The following GSDMA variants were observed in gnomAD, a reference collection of about 807,000 sequenced individuals.
The protein encoded by GSDMA is gasdermin-A.
Under a neutral mutation model 54.3 loss-of-function variants are expected in GSDMA, and 55 were observed. That is an observed-to-expected ratio of 1.01 (90% CI 0.82 to 1.27). GSDMA has a LOEUF of 1.27. Among genes scored for constraint, GSDMA ranks in the 50% most tolerant of loss-of-function variants. The pLI, the probability that GSDMA is intolerant of heterozygous loss-of-function variation, is 0.00. For synonymous variants in GSDMA, 211 were observed against 224.7 expected (o/e 0.94, Z 0.54); for missense variants, 542 against 542.6 (o/e 1.00, Z 0.01).
chr17:39,966,828 A>G (rs78658672), intron 3 of GSDMA, among the ~76,000 whole-genome samples: 4,596 of 152,236 alleles, frequency 0.03, 266 homozygotes, highest in African/African-American at 0.11. Flanking sequence ...CACTAGAAAA[A>G]GGAGGGATGT....
At position 39,972,163 on chromosome 17, in the gene GSDMA, C is replaced by A. The variant is rs188680661; in HGVS notation, c.690C>A (p.Thr230=). The A allele has an allele frequency of 7.2e-6, 10 of 1,380,752 alleles. No individual in the cohort carries two copies. The highest frequency in any genetic ancestry group is 2.1e-4 in the Middle Eastern group (1 of 4,746). 85.5% of individuals were successfully genotyped at this position (1,380,752 alleles called of 1,614,324 possible). A position where few individuals can be genotyped will look rare whatever the true frequency, so the allele number is the denominator to read the frequency against. The change falls in exon 6 of 12, where the codon ACC becomes ACA. Residue 230 remains threonine (T), a synonymous_variant. Coordinates refer to ENST00000301659, the MANE Select transcript of GSDMA (RefSeq NM_178171.5). ...IPHICNDNMQ[T]FPPGEKSGEE... ...ATATCTGCAATGATAACATGCAAACCTTCCCTCCTGGAGGTAAGTGAAATT... is the reference window on the plus strand; with the variant it reads ...ATATCTGCAATGATAACATGCAAACATTCCCTCCTGGAGGTAAGTGAAATT...
At chr17:39,973,668 A>G (rs1980063531) in intron 7 of GSDMA, 142 bp from the exon 8 acceptor site, 1 of 689,128 alleles carries the variant, frequency 1.5e-6, no homozygotes, top group African/African-American at 1.8e-5. Flanking sequence ...GAGTCACAGT[A>G]ATGCCAGGAA....
chr17:39,976,358 A>G (rs1199367151), intron 11 of GSDMA, among the ~76,000 whole-genome samples: 2 of 150,778 alleles, frequency 1.3e-5, no homozygotes, highest in East Asian at 3.9e-4. Context: ...GGCTCACCAC[A>G]ACCTCCGCCT....
intron 7 of GSDMA, among the ~76,000 whole-genome samples, chr17:39,973,415 G>A (rs9914247): frequency 0.082 from 12,403 of 150,790 alleles, 1,566 homozygotes; most frequent in African/African-American, 0.27. Context: ...GATAACAGGC[G>A]CGGGCCACCA....
intron 5 of GSDMA, among the ~76,000 whole-genome samples, chr17:39,971,847 C>G (rs188170414): frequency 1.3e-5 from 2 of 152,020 alleles, no homozygotes; most frequent in African/African-American, 4.8e-5. Flanking sequence ...GGAGGGGGTA[C>G]AAATATGAAC....
In GSDMA at chr17:39,977,106, C is replaced by G. The variant is rs572705483; in HGVS notation, c.*48C>G. The G allele has an allele frequency of 1.9e-6, 3 of 1,603,380 alleles. No homozygotes were observed. The East Asian group carries it at 6.7e-5, about 36-fold the overall frequency. On this transcript the variant is annotated 3_prime_UTR_variant, in exon 12 of 12. Transcript: ENST00000301659. ...TGACTCCCTAATGCCTTCCCAACCT[C>G]GTGGTGCTGTGTCCTTACCACCTAA...
At chr17:39,969,606 T>G (rs1979837916) in intron 3 of GSDMA, among the ~76,000 whole-genome samples, 2 of 152,096 alleles carry the variant, frequency 1.3e-5, no homozygotes, top group Non-Finnish European at 2.9e-5. Flanking sequence ...GATCGAGTAT[T>G]GCACAGAGTT....
intron 1 of GSDMA, among the ~76,000 whole-genome samples, chr17:39,964,988 T>C (rs1979569011): frequency 6.6e-6 from 1 of 151,764 alleles, no homozygotes; most frequent in Admixed American, 6.6e-5. Context: ...ATTAGCCAAG[T>C]GCATGACTGC....
At chr17:39,968,339 C>CTTTTTTTTTTTTTTTTTTTTTTTTTT (rs60315845) in intron 3 of GSDMA, among the ~76,000 whole-genome samples, 2 of 41,358 alleles carry the variant, frequency 4.8e-5, no homozygotes, top group Non-Finnish European at 7.6e-5. Flanking sequence ...TGAGCCCGGT[C>CTTTTTTTTTTTTTTTTTTTTTTTTTT]TTTTTTTTTT....
In GSDMA at chr17:39,970,470, C is replaced by A; in HGVS notation, c.393-12C>A. On this transcript the variant is annotated splice_polypyrimidine_tract_variant and intron_variant, in intron 3 of 11. Transcript: ENST00000301659. ...AGCTCTGAACGGTTCCCTTATGTTT[C>A]TCCTGCAACAGGAAGCTGGCAGCAG... The A allele has an allele frequency of 6.4e-7, 1 of 1,563,450 alleles. No homozygotes were observed. Among genetic ancestry groups the A allele is most frequent in the Middle Eastern group, 1.7e-4 (1 of 5,852 alleles).
In GSDMA at chr17:39,974,276, A is replaced by T; in HGVS notation, c.755A>T (p.Asp252Val). 1.2e-6 allele frequency: 2 copies of T among 1,609,376 alleles called. No individual in the cohort carries two copies. The highest frequency in any genetic ancestry group is 8.5e-7 in the Non-Finnish European group (1 of 1,178,064). The change falls in exon 9 of 12, where the codon GAC becomes GTC. Residue 252 changes from aspartate to valine, a missense_variant. Transcript: ENST00000301659. ...VILIQASDVG[D>V]VHEGFRTLKE... is the part of the protein sequence containing the mutation. ...TGTCCCATTATTGTCCCCATAGGGGACGTACACGAAGGCTTCAGGACACTA... is the reference window on the plus strand; with the variant it reads ...TGTCCCATTATTGTCCCCATAGGGGTCGTACACGAAGGCTTCAGGACACTA...
At position 39,965,813 on chromosome 17, in the gene GSDMA, G is replaced by A. The variant is rs1471506177; in HGVS notation, c.126G>A (p.Lys42=). The A allele has an allele frequency of 3.1e-6, 5 of 1,597,516 alleles. No individual in the cohort carries two copies. Among genetic ancestry groups the A allele is most frequent in the African/African-American group, 2.7e-5 (2 of 74,616 alleles). Residue 42 remains lysine (K), a synonymous_variant, in exon 2 of 12, where the codon AAG becomes AAA. Transcript: ENST00000301659. ...ATCCCTTCTGCCTGGTGCTGAGGAA[G>A]AGGAAGAGCACGCTCTTCTGGGGGG... ...RFHPFCLVLR[K]RKSTLFWGAR...
At chr17:39,973,902 C>A in intron 8 of GSDMA, 72 bp downstream of exon 8, 5 of 1,339,588 alleles carry the variant, frequency 3.7e-6, no homozygotes, top group Non-Finnish European at 5.3e-6. Flanking sequence ...GAGGAGAAGG[C>A]GAAGTCATTC....
intron 8 of GSDMA, 105 bp from the exon 9 acceptor site, chr17:39,974,168 A>G (rs757405583): frequency 4.2e-6 from 5 of 1,197,874 alleles, no homozygotes; most frequent in East Asian, 2.6e-5. Context: ...GGGGTAGAGC[A>G]TGGGTACCTA....
rs1228738675 is a variant in GSDMA at position 39,972,571 on chromosome 17, T to C, written c.704-16T>C. 1 of 1,612,072 alleles carries C rather than the reference T, an allele frequency of 6.2e-7. No individual in the cohort carries two copies. The highest frequency in any genetic ancestry group is 8.5e-7 in the Non-Finnish European group (1 of 1,178,936). ...TGGGTTTTGTGCTGACAGATGTGCA[T>C]TTTTTCTGTCTTCAGAAAAGTCAGG... On this transcript the variant is annotated splice_polypyrimidine_tract_variant and intron_variant, in intron 6 of 11. Coordinates refer to ENST00000301659, the MANE Select transcript of GSDMA (RefSeq NM_178171.5).
rs1980011273 is a variant in GSDMA at position 39,972,762 on chromosome 17, T to C, written c.730+149T>C. On this transcript the variant is annotated intron_variant, in intron 7 of 11. Coordinates refer to ENST00000301659, the MANE Select transcript of GSDMA (RefSeq NM_178171.5). ...CCCCGAAACATGGCAGAAATTCCAA[T>C]AGCTTGGGAAAAAGCAGTGGAAAGG... 3 of 792,638 alleles carry C rather than the reference T, an allele frequency of 3.8e-6. No homozygotes were observed. The African/African-American group carries it at 5.3e-5, about 14-fold the overall frequency. 49.1% of individuals were successfully genotyped at this position (792,638 alleles called of 1,614,324 possible). A position where few individuals can be genotyped will look rare whatever the true frequency, so the allele number is the denominator to read the frequency against.
rs374002468 is a variant in GSDMA at position 39,974,273 on chromosome 17, G to T, written c.752G>T (p.Gly251Val). 6 of 1,608,728 alleles carry T rather than the reference G, an allele frequency of 3.7e-6. No homozygotes were observed. The highest frequency in any genetic ancestry group is 5.1e-6 in the Non-Finnish European group (6 of 1,177,830). The change falls in exon 9 of 12, where the codon GGG becomes GTG. Residue 251 changes from glycine to valine, a missense_variant and splice_region_variant. Physicochemically the swap from Gly to Val is moderately radical, Grantham distance 109. Coordinates refer to ENST00000301659, the MANE Select transcript of GSDMA (RefSeq NM_178171.5). ...KVILIQASDVGDVHEGFRTLK... is the reference protein window; with the variant it reads ...KVILIQASDVVDVHEGFRTLK... ...GTGTGTCCCATTATTGTCCCCATAG[G>T]GGACGTACACGAAGGCTTCAGGACA...
chr17:39,965,586 C>T (rs776356108), intron 1 of GSDMA, 97 bp from the exon 2 acceptor site: 98 of 820,918 alleles, frequency 1.2e-4, no homozygotes, highest in Middle Eastern at 6.8e-4. Context: ...GCCTCAGAGC[C>T]GGGTAAACTC....
chr17:39,963,282 G>A (rs2144780938), intron 1 of GSDMA, among the ~76,000 whole-genome samples, 197 bp downstream of exon 1: 1 of 152,062 alleles, frequency 6.6e-6, no homozygotes, highest in African/African-American at 2.4e-5. Context: ...GCCCTTCCCA[G>A]GTGCACCCAG....
Sources: allele counts gnomAD v4.1 joint callset (sites outside exome capture counted in the v4.1 genomes callset), GRCh38; gene constraint gnomAD v4.1.1; transcripts MANE v1.5; gene names NCBI Gene and HGNC (gene_info 2026-07-23, HGNC 2026-07-21).